Variants in KATNAL2 observed in about 807,000 individuals in gnomAD.
The protein encoded by KATNAL2 is katanin p60 ATPase-containing subunit A-like 2.
KATNAL2 carries 52 observed loss-of-function variants against 76.3 expected under a neutral mutation model. The observed-to-expected ratio is 0.68, with a 90% CI of 0.55 to 0.86. KATNAL2 has a LOEUF of 0.86. Ranked by LOEUF, KATNAL2 falls within the 40% of genes least tolerant of loss-of-function variation. KATNAL2 has a pLI of 0.00. For synonymous variants in KATNAL2, 243 were observed against 244.2 expected (o/e 1.00, Z 0.05); for missense variants, 660 against 668.9 (o/e 0.99, Z 0.15).
chr18:47,070,127 G>A (rs1194410550), intron 13 of KATNAL2, among the ~76,000 whole-genome samples: 1 of 129,630 alleles, frequency 7.7e-6, no homozygotes, highest in Non-Finnish European at 1.6e-5. Context: ...ACGAAGTCTC[G>A]CTCTTGTCCC....
intron 4 of KATNAL2, among the ~76,000 whole-genome samples, chr18:47,048,491 A>C (rs2061234059): frequency 6.6e-6 from 1 of 152,220 alleles, no homozygotes; most frequent in South Asian, 2.1e-4. Flanking sequence ...GTTAGCAGAC[A>C]GGCAGGCCAT....
At position 47,086,415 on chromosome 18, in the gene KATNAL2, C is replaced by G. The variant is rs2062775341; in HGVS notation, c.1211+8954C>G. Among the ~76,000 whole-genome samples, 3 of 152,082 alleles carry G rather than the reference C, an allele frequency of 2.0e-5. No homozygotes were observed. In the South Asian group the frequency reaches 6.2e-4, roughly 32 times the overall value. On this transcript the variant is annotated intron_variant, in intron 15 of 17. Transcript: ENST00000683218. ...CACCACAACCTCTGCCTCCCGGGTT[C>G]AAGCAATTCTCTTCCTCAACCTCCC...
chr18:47,056,342 A>AATAC (rs2061471340), intron 6 of KATNAL2, among the ~76,000 whole-genome samples: 1 of 152,212 alleles, frequency 6.6e-6, no homozygotes, highest in Non-Finnish European at 1.5e-5. Context: ...CATCAATAGA[A>AATAC]ATACAGTGTC....
rs376138689 is a variant in KATNAL2, at chr18:46,927,936, C to T, written c.-510+10010C>T. On this transcript the variant is annotated intron_variant, in intron 1 of 17. Coordinates refer to ENST00000683218, the MANE Select transcript of KATNAL2 (RefSeq NM_001387690.1). ...CTTGTGCCTTGGTTTTCAGCTCCAT[C>T]AGGTCCTTTAAGGACTTCTCTGCAT... Among the ~76,000 whole-genome samples, 220 of 152,328 alleles carry T rather than the reference C, an allele frequency of 1.4e-3. 2 individuals are homozygous for T. In the East Asian group the frequency reaches 0.023, roughly 16 times the overall value.
chr18:47,063,505 A>G, intron 10 of KATNAL2, 144 bp downstream of exon 10: 1 of 603,922 alleles, frequency 1.7e-6, no homozygotes, highest in Admixed American at 3.1e-5. Context: ...CATATTGTTT[A>G]GAGGCACAAT....
At chr18:46,950,685 ACT>A (rs1386987488) in intron 3 of KATNAL2, among the ~76,000 whole-genome samples, 6 of 151,854 alleles carry the variant, frequency 4.0e-5, no homozygotes, top group Non-Finnish European at 7.4e-5. Context: ...ACATGTTTAT[ACT>A]CTTTTTCTTT....
intron 1 of KATNAL2, among the ~76,000 whole-genome samples, chr18:46,919,168 T>G (rs2058362897): frequency 1.3e-5 from 2 of 151,526 alleles, no homozygotes; most frequent in East Asian, 3.9e-4. Context: ...CAGGCCAACA[T>G]GGTGAAACCC....
chr18:47,080,133 T>C (rs901651118), intron 15 of KATNAL2, among the ~76,000 whole-genome samples: 1 of 152,214 alleles, frequency 6.6e-6, no homozygotes, highest in Non-Finnish European at 1.5e-5. Context: ...AACCCTGAAA[T>C]ATAGTTCATA....
chr18:47,034,046 G>A lies in KATNAL2; in HGVS notation c.52-12411G>A, dbSNP rs376811045. 29 of 1,614,088 alleles carry A rather than the reference G, an allele frequency of 1.8e-5. No homozygotes were observed. In the African/African-American group the frequency reaches 2.8e-4, roughly 16 times the overall value. On this transcript the variant is annotated intron_variant, in intron 3 of 17. Transcript: ENST00000683218. ...TTTGCTTTCCTTTGTTTATCTCCAA[G>A]TGCAGTGGTGGCAGATTTTCCAGTC...
intron 1 of KATNAL2, among the ~76,000 whole-genome samples, chr18:46,923,479 A>G (rs1176197543): frequency 6.6e-6 from 1 of 152,128 alleles, no homozygotes; most frequent in East Asian, 1.9e-4. Flanking sequence ...ATTGTTGGAC[A>G]TTTAGGTTGG....
At chr18:46,926,986 G>A (rs1269699485) in intron 1 of KATNAL2, among the ~76,000 whole-genome samples, 1 of 152,176 alleles carries the variant, frequency 6.6e-6, no homozygotes, top group Non-Finnish European at 1.5e-5. Flanking sequence ...GTCTCTGCAT[G>A]TGAGATGGGT....
intron 3 of KATNAL2, among the ~76,000 whole-genome samples, chr18:46,961,532 C>T (rs1295931890): frequency 1.3e-5 from 2 of 152,332 alleles, no homozygotes; most frequent in East Asian, 3.9e-4. Context: ...AAGCAACTTC[C>T]TATTACTAGC....
chr18:47,033,516 T>C, intron 3 of KATNAL2: 1 of 1,614,202 alleles, frequency 6.2e-7, no homozygotes, highest in South Asian at 1.1e-5. Flanking sequence ...TCCTCCGTAA[T>C]TCGTCTGTCT....
intron 10 of KATNAL2, 113 bp downstream of exon 10, chr18:47,063,474 G>A: frequency 2.8e-6 from 2 of 726,600 alleles, no homozygotes; most frequent in Non-Finnish European, 4.5e-6. Context: ...TTTATAAAGT[G>A]CCCCCACTTG....
intron 15 of KATNAL2, among the ~76,000 whole-genome samples, chr18:47,091,903 G>T (rs187884451): frequency 6.6e-6 from 1 of 152,220 alleles, no homozygotes; most frequent in East Asian, 1.9e-4. Flanking sequence ...AAAGGCCTTG[G>T]AAGAAAATAT....
At chr18:47,061,777 G>A (rs941531098) in intron 8 of KATNAL2, among the ~76,000 whole-genome samples, 4 of 152,024 alleles carry the variant, frequency 2.6e-5, no homozygotes, top group South Asian at 2.1e-4. Context: ...TAATCATAGC[G>A]TCCCCTTTAA....
At chr18:46,926,064 T>C (rs1361809953) in intron 1 of KATNAL2, among the ~76,000 whole-genome samples, 1 of 152,102 alleles carries the variant, frequency 6.6e-6, no homozygotes, top group Non-Finnish European at 1.5e-5. Context: ...TTTTGAAGGG[T>C]TTTTTGTGTC....
chr18:47,067,719 ATAACT>A (rs2147185976), intron 11 of KATNAL2, among the ~76,000 whole-genome samples: 1 of 152,368 alleles, frequency 6.6e-6, no homozygotes, highest in East Asian at 1.9e-4. Flanking sequence ...GAGATAAGTG[ATAACT>A]TAGCTTTTGT....
At chr18:46,936,506 C>T (rs531520590) in intron 1 of KATNAL2, among the ~76,000 whole-genome samples, 1 of 152,194 alleles carries the variant, frequency 6.6e-6, no homozygotes, top group East Asian at 1.9e-4. Context: ...TCAAGAGGCT[C>T]AGGTGGGGGG....
Sources: gnomAD v4.1 joint callset for allele counts (sites outside exome capture counted in the v4.1 genomes callset) on GRCh38, gnomAD v4.1.1 for gene constraint, MANE v1.5 for transcripts, NCBI Gene and HGNC (gene_info 2026-07-23, HGNC 2026-07-21) for gene names.